Variants in PCYT2 observed in about 807,000 individuals in gnomAD.
The protein encoded by PCYT2 is phosphate cytidylyltransferase 2, ethanolamine, also known as ethanolamine-phosphate cytidylyltransferase.
PCYT2 carries 33 observed loss-of-function variants against 50.0 expected under a neutral mutation model. The observed-to-expected ratio is 0.66, with a 90% CI of 0.50 to 0.88. The LOEUF (loss-of-function observed/expected upper bound fraction) is 0.88, where lower values mean the gene tolerates loss of function less well. Ranked by LOEUF, PCYT2 falls within the 40% of genes least tolerant of loss-of-function variation. The pLI, the probability that PCYT2 is intolerant of heterozygous loss-of-function variation, is 0.00. For synonymous variants in PCYT2, 240 were observed against 203.7 expected (o/e 1.18, Z -1.52); for missense variants, 430 against 519.7 (o/e 0.83, Z 1.68).
chr17:81,910,848 G>A, intron 1 of PCYT2: 1 of 979,056 alleles, frequency 1.0e-6, no homozygotes, highest in Non-Finnish European at 1.2e-6. Context: ...GGACCCGGGA[G>A]CCCGCGGGCT....
At chr17:81,905,179 G>T in intron 11 of PCYT2, 25 bp from the exon 12 acceptor site, 1 of 1,586,640 alleles carries the variant, frequency 6.3e-7, no homozygotes, top group Non-Finnish European at 8.6e-7. Context: ...AGGAGGAGCG[G>T]GATGAAGGTC....
At position 81,901,504 on chromosome 17, in the gene PCYT2, AGTGCCT is replaced by A. The variant is rs1455344836; in HGVS notation, c.*3323_*3328del. Reference sequence around the variant, plus strand: ...AAACAAGTGCCAGGGCTCCAGTGCCAGTGCCTGTCCTGGGAAGATACCCAAGAGAAG... The same window carrying A: ...AAACAAGTGCCAGGGCTCCAGTGCCAGTCCTGGGAAGATACCCAAGAGAAG... On this transcript the variant is annotated 3_prime_UTR_variant, in exon 13 of 13. Transcript: ENST00000538936. 1 of 152,382 alleles carries A rather than the reference AGTGCCT, an allele frequency of 6.6e-6. No individual in the cohort carries two copies. The highest frequency in any genetic ancestry group is 1.5e-5 in the Non-Finnish European group (1 of 68,132). 9.4% of individuals were successfully genotyped at this position (152,382 alleles called of 1,614,324 possible).
intron 9 of PCYT2, 30 bp from the exon 10 acceptor site, chr17:81,905,765 G>A (rs2040230539): frequency 6.2e-7 from 1 of 1,608,246 alleles, no homozygotes; most frequent in Non-Finnish European, 8.5e-7. Flanking sequence ...AGAAAGACTT[G>A]CTCGGTCCCT....
rs370946083 is a variant in PCYT2, at chr17:81,905,700, C to G, written c.873G>C (p.Ala291=). 6.2e-7 allele frequency: 1 copy of G among 1,613,606 alleles called. No homozygotes were observed. The highest frequency in any genetic ancestry group is 8.5e-7 in the Non-Finnish European group (1 of 1,179,972). Reference sequence around the variant, plus strand: ...AGTGACTTAGGAGCTCTGCTGTGACCGCGTACGGGGCTCCAATCACCACTT... The same window carrying G: ...AGTGACTTAGGAGCTCTGCTGTGACGGCGTACGGGGCTCCAATCACCACTT... ...VSEVVIGAPY[A]VTAELLSHFK... The change falls in exon 10 of 13, where the codon GCG becomes GCC. Residue 291 remains alanine (A), a synonymous_variant. Transcript: ENST00000538936.
In PCYT2 at chr17:81,905,744, A is replaced by T. The variant is rs1308135646; in HGVS notation, c.838-9T>A. 14 of 1,613,078 alleles carry T rather than the reference A, an allele frequency of 8.7e-6. No individual in the cohort carries two copies. Among genetic ancestry groups the T allele is most frequent in the Non-Finnish European group, 1.1e-5 (13 of 1,179,786 alleles). ...ACCACTTCTGACACGTACTGTGGGG[A>T]CAGTGGGGGCAGAAAGACTTGCTCG... On this transcript the variant is annotated splice_polypyrimidine_tract_variant and intron_variant, in intron 9 of 12. Transcript: ENST00000538936.
rs1387731161 is a variant in PCYT2 at position 81,903,686 on chromosome 17, T to G, written c.*1147A>C. 6.6e-6 allele frequency: 1 copy of G among 152,338 alleles called. No individual in the cohort carries two copies. Among genetic ancestry groups the G allele is most frequent in the Non-Finnish European group, 1.5e-5 (1 of 68,138 alleles). The allele number at this position is 152,338 out of a possible 1,614,324, so 9.4% of individuals were successfully genotyped here. On this transcript the variant is annotated 3_prime_UTR_variant, in exon 13 of 13. Coordinates refer to ENST00000538936, the MANE Select transcript of PCYT2 (RefSeq NM_002861.5). ...TCGGAGAGCAGGGTGACAGGCTGCC[T>G]TCCTGGGCTGTGGAGAGCCTCGCGT...
In PCYT2 at chr17:81,905,164, C is replaced by T. The variant is rs767211177; in HGVS notation, c.970-10G>A. 5.6e-6 allele frequency: 9 copies of T among 1,608,774 alleles called. No homozygotes were observed. In the South Asian group the frequency reaches 1.0e-4, roughly 18 times the overall value. On this transcript the variant is annotated splice_polypyrimidine_tract_variant and intron_variant, in intron 11 of 12. Coordinates refer to ENST00000538936, the MANE Select transcript of PCYT2 (RefSeq NM_002861.5). ...CCCTTCTCTTGGGCTCCTGGGGGTC[C>T]AGAGAGGAGGAGCGGGATGAAGGTC...
At chr17:81,910,303 C>A (rs2143738089) in intron 1 of PCYT2, among the ~76,000 whole-genome samples, 1 of 152,346 alleles carries the variant, frequency 6.6e-6, no homozygotes, top group East Asian at 1.9e-4. Flanking sequence ...ACAGCAGCGG[C>A]CCATCCCCTC....
chr17:81,911,336 C>A lies in PCYT2; in HGVS notation c.20G>T (p.Gly7Val). ...CGGCTGCTCTGCGCCGCCTGCAGCC[C>A]CGCGCCCGTTCCGGATCATGGCCCC... MIRNGR[G>V]AAGGAEQPGP... is the part of the protein sequence containing the mutation. Residue 7 changes from glycine (G) to valine (V), a missense_variant, in exon 1 of 13, where the codon GGG becomes GTG. Physicochemically the swap from Gly to Val is moderately radical, Grantham distance 109. Transcript: ENST00000538936. The A allele has an allele frequency of 9.0e-7, 1 of 1,108,308 alleles. No homozygotes were observed. Among genetic ancestry groups the A allele is most frequent in the South Asian group, 2.4e-5 (1 of 42,438 alleles). 68.7% of individuals were successfully genotyped at this position (1,108,308 alleles called of 1,614,324 possible). A position where few individuals can be genotyped will look rare whatever the true frequency, so the allele number is the denominator to read the frequency against.
chr17:81,908,471 G>T, intron 4 of PCYT2, 97 bp downstream of exon 4: 2 of 885,532 alleles, frequency 2.3e-6, no homozygotes, highest in Non-Finnish European at 3.6e-6. Context: ...GGGCCTGGAC[G>T]CTCCCCTCAC....
Position 81,901,304 on chromosome 17 carries a change from G to A in PCYT2, c.*3529C>T, listed in dbSNP as rs1413947654. On this transcript the variant is annotated 3_prime_UTR_variant, in exon 13 of 13. Coordinates refer to ENST00000538936, the MANE Select transcript of PCYT2 (RefSeq NM_002861.5). ...TCCTGGCTGTGCTGGCAGCCGATTA[G>A]GTGGTGCCCACCTGGATTGAGGGTG... The A allele has an allele frequency of 6.6e-6, 1 of 152,246 alleles. No homozygotes were observed. The highest frequency in any genetic ancestry group is 1.5e-5 in the Non-Finnish European group (1 of 68,062). 9.4% of individuals were successfully genotyped at this position (152,246 alleles called of 1,614,324 possible). A position where few individuals can be genotyped will look rare whatever the true frequency, so the allele number is the denominator to read the frequency against.
At chr17:81,906,227 G>T in intron 8 of PCYT2, 50 bp from the exon 9 acceptor site, 1 of 1,479,188 alleles carries the variant, frequency 6.8e-7, no homozygotes, top group South Asian at 1.2e-5. Context: ...TGGGGGGACA[G>T]GGTGTGCCCC....
rs1231339746 is a variant in PCYT2, at chr17:81,904,634, C to T, written c.*199G>A. 2 of 577,384 alleles carry T rather than the reference C, an allele frequency of 3.5e-6. No individual in the cohort carries two copies. Among genetic ancestry groups the T allele is most frequent in the Non-Finnish European group, 6.2e-6 (2 of 324,986 alleles). 35.8% of individuals were successfully genotyped at this position (577,384 alleles called of 1,614,324 possible). A position where few individuals can be genotyped will look rare whatever the true frequency, so the allele number is the denominator to read the frequency against. The stretch of plus-strand genomic sequence containing the variant: ...CCGGCCTCTCCACTGTGCTGGACAC[C>T]CTCTCTGAGCAGCTTTGCTGGAAAG... On this transcript the variant is annotated 3_prime_UTR_variant, in exon 13 of 13. Coordinates refer to ENST00000538936, the MANE Select transcript of PCYT2 (RefSeq NM_002861.5).
intron 1 of PCYT2, chr17:81,911,003 C>A: frequency 1.0e-6 from 1 of 995,084 alleles, no homozygotes; most frequent in South Asian, 4.7e-5. Context: ...GGCTCCAGAT[C>A]TCAGCGCGGT....
chr17:81,905,006 C>A, intron 12 of PCYT2, 60 bp downstream of exon 12: 2 of 1,593,250 alleles, frequency 1.3e-6, no homozygotes, highest in East Asian at 4.5e-5. Context: ...GGGGAGGGCA[C>A]GGTAAGTCTA....
Position 81,905,719 on chromosome 17 carries a change from AC to A in PCYT2, c.853del (p.Val285Ter), listed in dbSNP as rs1377149238. 1 of 1,613,396 alleles carries A rather than the reference AC, an allele frequency of 6.2e-7. No homozygotes were observed. The highest frequency in any genetic ancestry group is 1.3e-5 in the African/African-American group (1 of 74,854). On this transcript the variant is annotated frameshift_variant, in exon 10 of 13. Coordinates refer to ENST00000538936, the MANE Select transcript of PCYT2 (RefSeq NM_002861.5). LOFTEE classifies it high-confidence loss of function. ...TGTGACCGCGTACGGGGCTCCAATC[AC>A]CACTTCTGACACGTACTGTGGGGAC... ...VLACRYVSEV[V>X]IGAPYAVTAE...
Position 81,902,672 on chromosome 17 carries a change from C to G in PCYT2, c.*2161G>C. On this transcript the variant is annotated 3_prime_UTR_variant, in exon 13 of 13. Transcript: ENST00000538936. ...AACCTGCAGAGGTGCGAGCGGCTCCCCGACGGCCGCGGGACCTACCAGTGC... is the reference window on the plus strand; with the variant it reads ...AACCTGCAGAGGTGCGAGCGGCTCCGCGACGGCCGCGGGACCTACCAGTGC... The G allele has an allele frequency of 6.2e-7, 1 of 1,608,048 alleles. No homozygotes were observed. Among genetic ancestry groups the G allele is most frequent in the Non-Finnish European group, 8.5e-7 (1 of 1,178,642 alleles).
intron 8 of PCYT2, 38 bp downstream of exon 8, chr17:81,906,426 C>A (rs759049929): frequency 4.4e-6 from 7 of 1,587,254 alleles, no homozygotes. Context: ...GAGGGCCCAT[C>A]AGCTGCCCAG....
At chr17:81,905,180 G>T (rs752799104) in intron 11 of PCYT2, 26 bp from the exon 12 acceptor site, 6 of 1,584,980 alleles carry the variant, frequency 3.8e-6, no homozygotes, top group Non-Finnish European at 5.2e-6. Context: ...GGAGGAGCGG[G>T]ATGAAGGTCC....
Sources: allele counts gnomAD v4.1 joint callset (sites outside exome capture counted in the v4.1 genomes callset), GRCh38; gene constraint gnomAD v4.1.1; transcripts MANE v1.5; gene names NCBI Gene and HGNC (gene_info 2026-07-23, HGNC 2026-07-21).